Variants in GRAMD1B observed in about 807,000 individuals in gnomAD.
GRAMD1B encodes the protein GRAM domain containing 1B, also known as protein Aster-B.
Under a neutral mutation model 99.7 loss-of-function variants are expected in GRAMD1B, and 37 were observed. That is an observed-to-expected ratio of 0.37 (90% CI 0.29 to 0.49). The LOEUF is 0.49. Among genes scored for constraint, GRAMD1B ranks in the 20% least tolerant of loss-of-function variants. The pLI is 0.98. For synonymous variants in GRAMD1B, 427 were observed against 387.6 expected, an observed-to-expected ratio of 1.10 and a Z score of -1.19; for missense variants, 888 against 1,009.2, an observed-to-expected ratio of 0.88 and a Z score of 1.63.
intron 4 of GRAMD1B, among the ~76,000 whole-genome samples, chr11:123,590,607 C>T (rs11823716): frequency 0.013 from 1,990 of 152,240 alleles, 29 homozygotes; most frequent in African/African-American, 0.033. Context: ...TTCTTCCCTC[C>T]CTCTCTGCCA....
chr11:123,550,363 C>A (rs1237321126), intron 2 of GRAMD1B, among the ~76,000 whole-genome samples: 8 of 152,100 alleles, frequency 5.3e-5, no homozygotes, highest in Admixed American at 3.3e-4. Flanking sequence ...TGATCTCCTT[C>A]CCCCCAGACT....
At chr11:123,560,406 A>C in intron 2 of GRAMD1B, 1 of 1,176,286 alleles carries the variant, frequency 8.5e-7, no homozygotes, top group Non-Finnish European at 1.1e-6. Context: ...AATAAAGGGG[A>C]GTCATGCTTA....
intron 1 of GRAMD1B, among the ~76,000 whole-genome samples, chr11:123,451,182 G>T (rs1443958783): frequency 6.6e-6 from 1 of 152,086 alleles, no homozygotes; most frequent in Non-Finnish European, 1.5e-5. Flanking sequence ...CAATTTACCA[G>T]GCCATGGGCT....
At chr11:123,457,651 C>T (rs1401779975) in intron 1 of GRAMD1B, among the ~76,000 whole-genome samples, 1 of 152,304 alleles carries the variant, frequency 6.6e-6, no homozygotes, top group East Asian at 1.9e-4. Context: ...TGGACCCAGC[C>T]TTATGAGCCT....
chr11:123,441,724 A>C (rs1443608031), intron 1 of GRAMD1B, among the ~76,000 whole-genome samples: 4 of 152,076 alleles, frequency 2.6e-5, no homozygotes, highest in Admixed American at 2.6e-4. Context: ...TGAGCCTGGG[A>C]GGTTGAGGCT....
intron 8 of GRAMD1B, among the ~76,000 whole-genome samples, chr11:123,601,712 C>T (rs1354968756): frequency 6.6e-6 from 1 of 152,178 alleles, no homozygotes; most frequent in Non-Finnish European, 1.5e-5. Context: ...AGCTGTGGTC[C>T]TCTGCCTTCA....
At chr11:123,542,930 A>G (rs1363013011) in intron 2 of GRAMD1B, among the ~76,000 whole-genome samples, 2 of 151,796 alleles carry the variant, frequency 1.3e-5, no homozygotes, top group African/African-American at 2.4e-5. Flanking sequence ...CTGGGATTAC[A>G]GGCATGAGCC....
At chr11:123,513,203 A>G (rs1000912482) in intron 2 of GRAMD1B, among the ~76,000 whole-genome samples, 14 of 152,210 alleles carry the variant, frequency 9.2e-5, no homozygotes, top group African/African-American at 3.1e-4. Flanking sequence ...GCCGCAATGT[A>G]CTGGGTTAAT....
intron 10 of GRAMD1B, 97 bp from the exon 11 acceptor site, chr11:123,606,512 A>T (rs1045950598): frequency 2.8e-6 from 3 of 1,066,568 alleles, no homozygotes; most frequent in Non-Finnish European, 4.1e-6. Flanking sequence ...CTGAGCTGGG[A>T]GTATGAGAGC....
chr11:123,607,407 A>G (rs1016427609), intron 11 of GRAMD1B, among the ~76,000 whole-genome samples: 7 of 152,184 alleles, frequency 4.6e-5, no homozygotes, highest in African/African-American at 7.2e-5. Context: ...CATGAAATCA[A>G]TTGATGGATT....
chr11:123,520,097 G>A (rs898190037), intron 2 of GRAMD1B, among the ~76,000 whole-genome samples: 8 of 152,330 alleles, frequency 5.3e-5, no homozygotes, highest in African/African-American at 1.9e-4. Context: ...AAGGAACAGT[G>A]CCAGGGTAGG....
At chr11:123,485,653 GA>G (rs1937648684) in intron 2 of GRAMD1B, among the ~76,000 whole-genome samples, 1 of 151,284 alleles carries the variant, frequency 6.6e-6, no homozygotes, top group Admixed American at 6.6e-5. Flanking sequence ...GTGTCCAGTA[GA>G]AAGCAAAATA....
At chr11:123,547,218 C>A (rs1272852985) in intron 2 of GRAMD1B, among the ~76,000 whole-genome samples, 4 of 152,178 alleles carry the variant, frequency 2.6e-5, no homozygotes, top group Non-Finnish European at 4.4e-5. Context: ...TGGCCCCCAA[C>A]AATAGAGGGA....
intron 1 of GRAMD1B, among the ~76,000 whole-genome samples, chr11:123,372,555 C>G (rs1261864305): frequency 6.6e-6 from 1 of 152,088 alleles, no homozygotes; most frequent in African/African-American, 2.4e-5. Context: ...GAATGGTGCT[C>G]TCATTTAGGG....
intron 1 of GRAMD1B, among the ~76,000 whole-genome samples, chr11:123,397,026 A>G (rs1275355993): frequency 6.6e-6 from 1 of 152,192 alleles, no homozygotes; most frequent in East Asian, 1.9e-4. Context: ...TGACAAATGT[A>G]TACATTTTAT....
chr11:123,604,507 G>A (rs1441318995), intron 9 of GRAMD1B, among the ~76,000 whole-genome samples: 8 of 152,204 alleles, frequency 5.3e-5, no homozygotes, highest in Non-Finnish European at 8.8e-5. Context: ...GCATGCTTGA[G>A]GGTGGAAGGG....
intron 2 of GRAMD1B, among the ~76,000 whole-genome samples, chr11:123,548,618 G>A (rs533616635): frequency 1.5e-3 from 218 of 147,988 alleles, no homozygotes; most frequent in Middle Eastern, 0.011. Flanking sequence ...TGCTTGAAAT[G>A]AATATATATA....
intron 1 of GRAMD1B, among the ~76,000 whole-genome samples, chr11:123,389,911 T>A (rs1190815574): frequency 1.3e-5 from 2 of 151,902 alleles, no homozygotes; most frequent in Non-Finnish European, 2.9e-5. Flanking sequence ...TATGCCACAG[T>A]GCCTGGCTAA....
chr11:123,556,572 C>G (rs1004814588), intron 2 of GRAMD1B, among the ~76,000 whole-genome samples: 4 of 152,178 alleles, frequency 2.6e-5, no homozygotes, highest in Non-Finnish European at 4.4e-5. Context: ...TGACACTGCA[C>G]AGGACTCTCA....
Sources: gnomAD v4.1 joint callset for allele counts (sites outside exome capture counted in the v4.1 genomes callset) on GRCh38, gnomAD v4.1.1 for gene constraint, MANE v1.5 for transcripts, NCBI Gene and HGNC (gene_info 2026-07-23, HGNC 2026-07-21) for gene names.